The following WWOX variants were observed in gnomAD, a reference collection of about 807,000 sequenced individuals.
The protein encoded by WWOX is WW domain-containing oxidoreductase.
Under a neutral mutation model 46.2 loss-of-function variants are expected in WWOX, and 69 were observed. That is an observed-to-expected ratio of 1.49 (90% CI 1.23 to 1.82). The LOEUF is 1.82. Ranked by LOEUF, WWOX falls within the 40% of genes most tolerant of loss-of-function variation. The pLI is 0.00. For missense variants in WWOX, 919 were observed against 542.6 expected (o/e 1.69, Z -6.89); for synonymous variants, 359 against 202.6 (o/e 1.77, Z -6.56).
At chr16:79,069,438 C>G (rs1424285816) in intron 8 of WWOX, among the ~76,000 whole-genome samples, 1 of 152,132 alleles carries the variant, frequency 6.6e-6, no homozygotes, top group African/African-American at 2.4e-5. Flanking sequence ...ACCTTTACAT[C>G]TCTGTCTTGT....
intron 8 of WWOX, among the ~76,000 whole-genome samples, chr16:79,135,626 C>T (rs2049968379): frequency 6.6e-6 from 1 of 152,114 alleles, no homozygotes; most frequent in Non-Finnish European, 1.5e-5. Context: ...AGATGTACTT[C>T]AAATTTTTAA....
In WWOX at chr16:78,823,690, C is replaced by T. The variant is rs112621189; in HGVS notation, c.1057-387918C>T. On this transcript the variant is annotated intron_variant, in intron 8 of 8. Transcript: ENST00000566780. ...CTGTGCAAATGTGTGCATTTAAGGC[C>T]CGCCGAGCCTGAGCTGATATGCATG... is the stretch of plus-strand genomic sequence containing the variant. 5.7e-3 allele frequency among the ~76,000 whole-genome samples: 863 copies of T among 152,144 alleles called. 12 individuals are homozygous for T. The highest frequency in any genetic ancestry group is 0.02 in the African/African-American group (818 of 41,492).
At chr16:78,767,063 T>G (rs1464528624) in intron 8 of WWOX, among the ~76,000 whole-genome samples, 1 of 132,572 alleles carries the variant, frequency 7.5e-6, no homozygotes, top group Non-Finnish European at 1.6e-5. Context: ...TCTCCTTCCC[T>G]CCCTCCCTCC....
chr16:78,774,210 G>A (rs2050132041), intron 8 of WWOX, among the ~76,000 whole-genome samples: 1 of 152,152 alleles, frequency 6.6e-6, no homozygotes, highest in East Asian at 1.9e-4. Context: ...AGACCATCCT[G>A]GCCAACATGG....
At chr16:78,481,724 AGTGTGTGTGTGTGTGTGTGT>A (rs67780639) in intron 8 of WWOX, among the ~76,000 whole-genome samples, 4 of 136,968 alleles carry the variant, frequency 2.9e-5, no homozygotes, top group Admixed American at 7.4e-5. Flanking sequence ...GGGCAAGGGA[AGTGTGTGTGTGTGTGTGTGT>A]GTGTGTGTGT....
chr16:78,559,631 T>C (rs913677929), intron 8 of WWOX, among the ~76,000 whole-genome samples: 5 of 152,252 alleles, frequency 3.3e-5, no homozygotes, highest in African/African-American at 1.2e-4. Flanking sequence ...GGCTTCATTT[T>C]TCCTGTGCAT....
intron 8 of WWOX, among the ~76,000 whole-genome samples, chr16:79,187,891 TTC>T (rs2051050744): frequency 6.6e-6 from 1 of 152,210 alleles, no homozygotes; most frequent in Non-Finnish European, 1.5e-5. Flanking sequence ...TATGAATGAA[TTC>T]TTCTGAGCTG....
At chr16:78,923,455 A>G (rs1443027536) in intron 8 of WWOX, among the ~76,000 whole-genome samples, 1 of 152,068 alleles carries the variant, frequency 6.6e-6, no homozygotes, top group East Asian at 1.9e-4. Context: ...ACCTTTCCTA[A>G]TATCTAGTTT....
intron 5 of WWOX, among the ~76,000 whole-genome samples, chr16:78,303,832 A>C (rs1479069901): frequency 2.2e-4 from 33 of 152,132 alleles, no homozygotes; most frequent in Admixed American, 2.2e-3. Flanking sequence ...GGTGTGAGCC[A>C]CCGTGCCCGG....
chr16:79,069,696 C>T (rs145447105), intron 8 of WWOX, among the ~76,000 whole-genome samples: 2 of 151,960 alleles, frequency 1.3e-5, no homozygotes, highest in African/African-American at 2.4e-5. Flanking sequence ...TAGAAAGTAG[C>T]AGTCAATTAA....
At chr16:78,576,764 C>G (rs1489664226) in intron 8 of WWOX, among the ~76,000 whole-genome samples, 1 of 152,168 alleles carries the variant, frequency 6.6e-6, no homozygotes, top group African/African-American at 2.4e-5. Context: ...CCAGAAGATT[C>G]AGACTGCAAT....
intron 4 of WWOX, among the ~76,000 whole-genome samples, chr16:78,144,074 A>C (rs1437684539): frequency 2.0e-5 from 3 of 152,136 alleles, no homozygotes; most frequent in Admixed American, 6.5e-5. Context: ...GAATATTCAC[A>C]TCTGTAAGAA....
chr16:78,830,180 A>G lies in WWOX; in HGVS notation c.1057-381428A>G, dbSNP rs529025762. ...CAAGAGCTGCCGCAATGAAAGAAGAAAGAAAAGGAGGGAGAGGATGAAGGA... is the reference window on the plus strand; with the variant it reads ...CAAGAGCTGCCGCAATGAAAGAAGAGAGAAAAGGAGGGAGAGGATGAAGGA... On this transcript the variant is annotated intron_variant, in intron 8 of 8. Coordinates refer to ENST00000566780, the MANE Select transcript of WWOX (RefSeq NM_016373.4). Among the ~76,000 whole-genome samples, 70 of 152,348 alleles carry G rather than the reference A, an allele frequency of 4.6e-4. 1 individual carries two copies. In the South Asian group the frequency reaches 0.014, roughly 31 times the overall value.
At chr16:79,070,269 TGTG>T (rs1327609331) in intron 8 of WWOX, among the ~76,000 whole-genome samples, 1 of 9,776 alleles carries the variant, frequency 1.0e-4, no homozygotes, top group Non-Finnish European at 2.1e-4. Flanking sequence ...GTGTTTCTGA[TGTG>T]TGTGTGTGTG....
At chr16:78,841,400 C>G (rs564086378) in intron 8 of WWOX, among the ~76,000 whole-genome samples, 2 of 152,268 alleles carry the variant, frequency 1.3e-5, no homozygotes, top group East Asian at 3.9e-4. Flanking sequence ...GCAGATTTTG[C>G]CTGTTTCTTC....
intron 8 of WWOX, among the ~76,000 whole-genome samples, chr16:78,961,462 T>C (rs1258508768): frequency 6.6e-6 from 1 of 151,626 alleles, no homozygotes; most frequent in Non-Finnish European, 1.5e-5. Context: ...GATGGGTGGA[T>C]GGATGGATGG....
intron 8 of WWOX, among the ~76,000 whole-genome samples, chr16:78,844,592 G>C (rs1485058107): frequency 1.3e-5 from 2 of 152,154 alleles, no homozygotes; most frequent in Non-Finnish European, 2.9e-5. Context: ...CATGTGGAGG[G>C]AAAGACCGCA....
intron 8 of WWOX, among the ~76,000 whole-genome samples, chr16:78,990,149 A>C (rs1363638040): frequency 8.0e-5 from 12 of 150,004 alleles, no homozygotes; most frequent in Non-Finnish European, 1.5e-4. Context: ...TTGCCACTGC[A>C]CACCAGCCTG....
Position 79,072,171 on chromosome 16 carries a change from A to G in WWOX, c.1057-139437A>G, listed in dbSNP as rs998724995. ...CATGGTAGAGTGTGCCTGTAGTCCTAGCTACTCAGGAAGCTGAGATGGGAG... is the reference window on the plus strand; with the variant it reads ...CATGGTAGAGTGTGCCTGTAGTCCTGGCTACTCAGGAAGCTGAGATGGGAG... On this transcript the variant is annotated intron_variant, in intron 8 of 8. Coordinates refer to ENST00000566780, the MANE Select transcript of WWOX (RefSeq NM_016373.4). Among the ~76,000 whole-genome samples the G allele has an allele frequency of 3.9e-5, 6 of 152,148 alleles. No individual in the cohort carries two copies. In the South Asian group the frequency reaches 8.3e-4, roughly 21 times the overall value.
Sources: gnomAD v4.1 joint callset for allele counts (sites outside exome capture counted in the v4.1 genomes callset) on GRCh38, gnomAD v4.1.1 for gene constraint, MANE v1.5 for transcripts, NCBI Gene and HGNC (gene_info 2026-07-23, HGNC 2026-07-21) for gene names.